ZFHX3: variants seen among roughly 807,000 people sequenced by gnomAD.
ZFHX3 encodes the protein zinc finger homeobox protein 3.
In ZFHX3, 42 loss-of-function variants were observed where a neutral mutation model predicts 279.1. The observed-to-expected ratio is 0.15, with a 90% CI of 0.12 to 0.19. The LOEUF (loss-of-function observed/expected upper bound fraction) is 0.19. Among genes scored for constraint, ZFHX3 ranks in the 10% least tolerant of loss-of-function variants. The pLI, the probability that ZFHX3 is intolerant of heterozygous loss-of-function variation, is 1.00. For missense variants in ZFHX3, 4,981 were observed against 4,754.0 expected, an observed-to-expected ratio of 1.05 and a Z score of -1.40; for synonymous variants, 2,293 against 1,957.8, an observed-to-expected ratio of 1.17 and a Z score of -4.52.
chr16:73,746,927 C>T (rs994820553), intron 1 of ZFHX3, among the ~76,000 whole-genome samples: 6 of 152,302 alleles, frequency 3.9e-5, no homozygotes, highest in Admixed American at 2.0e-4. Context: ...AGATTATCAA[C>T]ATTCCATGCA....
chr16:73,278,851 A>G (rs1251802537), intron 4 of ZFHX3, among the ~76,000 whole-genome samples: 1 of 152,166 alleles, frequency 6.6e-6, no homozygotes, highest in Non-Finnish European at 1.5e-5. Flanking sequence ...TGCTAGCTAC[A>G]GAGTGCTGAT....
At chr16:73,422,197 A>ATTTTTT (rs34462342) in intron 3 of ZFHX3, among the ~76,000 whole-genome samples, 3 of 144,574 alleles carry the variant, frequency 2.1e-5, no homozygotes, top group Non-Finnish European at 1.5e-5. Flanking sequence ...TTTTCAGAAG[A>ATTTTTT]TTTTTTTTTT....
intron 1 of ZFHX3, among the ~76,000 whole-genome samples, chr16:73,834,366 G>C (rs1319855032): frequency 1.3e-5 from 2 of 152,318 alleles, no homozygotes; most frequent in East Asian, 1.9e-4. Context: ...AGAGTAAACT[G>C]TCTGGTAAGT....
At chr16:73,477,249 T>C (rs1483487829) in intron 2 of ZFHX3, among the ~76,000 whole-genome samples, 1 of 152,254 alleles carries the variant, frequency 6.6e-6, no homozygotes, top group Non-Finnish European at 1.5e-5. Context: ...GCAAATCTTG[T>C]TTTCTGTGTG....
At position 73,852,409 on chromosome 16, in the gene ZFHX3, T is replaced by A. The variant is rs143374335; in HGVS notation, c.-1608+39242A>T. Among the ~76,000 whole-genome samples, 147 of 152,372 alleles carry A rather than the reference T, an allele frequency of 9.6e-4. 2 individuals are homozygous for A. The highest frequency in any genetic ancestry group is 5.6e-3 in the East Asian group (29 of 5,192). On this transcript the variant is annotated intron_variant, in intron 1 of 17. Coordinates refer to the ZFHX3 transcript ENST00000641206. ...AATGCATATTTCAATATAAATTGTT[T>A]TCCTTTCATTTTGTTTTATATTACA...
intron 8 of ZFHX3, among the ~76,000 whole-genome samples, chr16:73,074,585 T>TGACAATGATGAC (rs566756120): frequency 1.6e-4 from 25 of 151,964 alleles, no homozygotes; most frequent in South Asian, 4.2e-4. Context: ...AGAATGATAA[T>TGACAATGATGAC]GACAATGATG....
rs1018403310 is a variant in ZFHX3 at position 73,035,757 on chromosome 16, A to G, written c.-50+11995T>C. Among the ~76,000 whole-genome samples, 6 of 152,146 alleles carry G rather than the reference A, an allele frequency of 3.9e-5. No individual in the cohort carries two copies. In the East Asian group the frequency reaches 9.6e-4, roughly 24 times the overall value. ...AAAACAAAACAAAAATTAGCCGGGC[A>G]TGGTGGAAAACCAGCCCACGCTGGT... On this transcript the variant is annotated intron_variant, in intron 1 of 9. Coordinates refer to ENST00000268489, the MANE Select transcript of ZFHX3 (RefSeq NM_006885.4).
chr16:72,946,331 T>C (rs1209867786), intron 3 of ZFHX3, among the ~76,000 whole-genome samples: 1 of 152,190 alleles, frequency 6.6e-6, no homozygotes, highest in Non-Finnish European at 1.5e-5. Flanking sequence ...AACACCGTGG[T>C]AGACAACCCT....
chr16:73,298,505 T>C (rs1597270248), intron 4 of ZFHX3, among the ~76,000 whole-genome samples: 1 of 151,926 alleles, frequency 6.6e-6, no homozygotes, highest in South Asian at 2.1e-4. Flanking sequence ...TCGTCGTTTT[T>C]TTTTTTTTTT....
At chr16:73,323,822 G>A (rs9936490) in intron 3 of ZFHX3, among the ~76,000 whole-genome samples, 32,626 of 152,128 alleles carry the variant, frequency 0.21, 4,093 homozygotes, top group African/African-American at 0.34. Context: ...GCTAGGCAAT[G>A]TTCCCAGATG....
At chr16:73,508,187 C>T (rs1011810650) in intron 2 of ZFHX3, among the ~76,000 whole-genome samples, 1 of 152,086 alleles carries the variant, frequency 6.6e-6, no homozygotes, top group Non-Finnish European at 1.5e-5. Context: ...TCCTAGGCCT[C>T]AATGCCATCT....
intron 3 of ZFHX3, among the ~76,000 whole-genome samples, chr16:73,320,907 T>C (rs2143195992): frequency 6.6e-6 from 1 of 152,320 alleles, no homozygotes; most frequent in African/African-American, 2.4e-5. Flanking sequence ...AGCTTGGGAC[T>C]GTGATAGTTT....
chr16:73,835,527 A>G (rs187882034), intron 1 of ZFHX3, among the ~76,000 whole-genome samples: 47 of 129,344 alleles, frequency 3.6e-4, no homozygotes, highest in African/African-American at 1.4e-3. Flanking sequence ...CTGGAGTGCA[A>G]TGTTGCAATC....
At chr16:73,529,064 A>C (rs1095396) in intron 2 of ZFHX3, among the ~76,000 whole-genome samples, 56,923 of 152,012 alleles carry the variant, frequency 0.37, 12,028 homozygotes, top group East Asian at 0.79. Flanking sequence ...GCATAAATAC[A>C]TTCTAGGAAA....
At chr16:73,770,710 C>T (rs1470665735) in intron 1 of ZFHX3, among the ~76,000 whole-genome samples, 4 of 152,146 alleles carry the variant, frequency 2.6e-5, no homozygotes, top group Admixed American at 1.3e-4. Flanking sequence ...CATTTTCTTA[C>T]GACATCTCCA....
At chr16:73,605,320 G>A (rs1350855172) in intron 2 of ZFHX3, among the ~76,000 whole-genome samples, 1 of 152,172 alleles carries the variant, frequency 6.6e-6, no homozygotes, top group African/African-American at 2.4e-5. Context: ...AACACGATAA[G>A]CATTTTCCCT....
intron 3 of ZFHX3, among the ~76,000 whole-genome samples, chr16:73,324,562 A>G (rs1163888509): frequency 6.6e-6 from 1 of 152,238 alleles, no homozygotes; most frequent in Non-Finnish European, 1.5e-5. Context: ...GATGGAGAAC[A>G]AGAAGAGAAT....
At chr16:73,552,823 C>T (rs79314551) in intron 2 of ZFHX3, among the ~76,000 whole-genome samples, 7,261 of 152,246 alleles carry the variant, frequency 0.048, 205 homozygotes, top group South Asian at 0.12. Context: ...TAGACTGATA[C>T]GTCTGCCTGT....
At chr16:72,912,785 G>C (rs1227365167) in intron 3 of ZFHX3, among the ~76,000 whole-genome samples, 2 of 151,876 alleles carry the variant, frequency 1.3e-5, no homozygotes, top group African/African-American at 2.4e-5. Flanking sequence ...AGTGCAGTGG[G>C]GCCATCTCAG....
Sources: gnomAD v4.1 joint callset for allele counts (sites outside exome capture counted in the v4.1 genomes callset) on GRCh38, gnomAD v4.1.1 for gene constraint, MANE v1.5 for transcripts, NCBI Gene and HGNC (gene_info 2026-07-23, HGNC 2026-07-21) for gene names.